PCDHA6: variants seen among roughly 807,000 people sequenced by gnomAD.
PCDHA6 encodes the protein protocadherin alpha-6.
Under a neutral mutation model 60.3 loss-of-function variants are expected in PCDHA6, and 55 were observed. The observed-to-expected ratio is 0.91, with a 90% CI of 0.73 to 1.14. The LOEUF is 1.14. PCDHA6 is among the 50% of genes most tolerant of loss of function. The probability of loss-of-function intolerance (pLI) is 0.00; values close to 1 mark genes in which losing one functional copy is unlikely to be tolerated. For missense variants in PCDHA6, 1,327 were observed against 1,256.5 expected (o/e 1.06, Z -0.85); for synonymous variants, 652 against 557.9 (o/e 1.17, Z -2.38).
chr5:140,926,799 T>A, intron 1 of PCDHA6: 2 of 1,456,322 alleles, frequency 1.4e-6, no homozygotes, highest in Non-Finnish European at 1.8e-6. Flanking sequence ...GAGCGTGCTC[T>A]TCCCCGCGGC....
intron 1 of PCDHA6, among the ~76,000 whole-genome samples, chr5:140,888,097 G>T (rs536916138): frequency 3.3e-4 from 50 of 152,066 alleles, no homozygotes; most frequent in African/African-American, 1.2e-3. Context: ...TCCTTAGTTT[G>T]CTTCTTTTAA....
intron 1 of PCDHA6, chr5:140,848,942 C>A (rs1417497577): frequency 6.2e-7 from 1 of 1,607,226 alleles, no homozygotes; most frequent in African/African-American, 1.4e-5. Flanking sequence ...GGCCGCTTGA[C>A]TCTCGGTTTC....
chr5:140,870,305 A>G lies in PCDHA6; in HGVS notation c.2394+39820A>G, dbSNP rs201733980. 1.4e-4 allele frequency: 226 copies of G among 1,614,156 alleles called. No homozygotes were observed. In the African/African-American group the frequency reaches 2.3e-3, roughly 17 times the overall value. On this transcript the variant is annotated intron_variant, in intron 1 of 3. Transcript: ENST00000529310. ...CCCTTCAAGCTGGTGTCCACCTTCA[A>G]GAATTACTACTCGTTGGTGCTGGAC...
intron 1 of PCDHA6, among the ~76,000 whole-genome samples, chr5:140,954,317 G>A (rs571385484): frequency 2.6e-5 from 4 of 152,292 alleles, no homozygotes; most frequent in East Asian, 3.9e-4. Context: ...GGATTGCTGC[G>A]TCAAATGGTA....
intron 1 of PCDHA6, among the ~76,000 whole-genome samples, chr5:140,938,931 A>T (rs1371527205): frequency 6.6e-6 from 1 of 152,044 alleles, no homozygotes; most frequent in African/African-American, 2.4e-5. Context: ...TTGGCTTTTA[A>T]CTTTCCATTC....
At chr5:140,858,079 C>T in intron 1 of PCDHA6, 5 of 1,597,852 alleles carry the variant, frequency 3.1e-6, no homozygotes, top group Non-Finnish European at 4.3e-6. Context: ...CACCCAAGGC[C>T]TCGTCGCGGG....
intron 1 of PCDHA6, chr5:140,926,951 G>T (rs1554203848): frequency 1.9e-6 from 3 of 1,596,266 alleles, no homozygotes; most frequent in Middle Eastern, 1.7e-4. Context: ...GCTGCAGCGG[G>T]ACAGCTCGAG....
At chr5:140,968,017 C>A in intron 1 of PCDHA6, 1 of 1,614,216 alleles carries the variant, frequency 6.2e-7, no homozygotes, top group South Asian at 1.1e-5. Flanking sequence ...GCTTTGGAAA[C>A]TCCTATACAC....
chr5:140,927,630 A>G (rs1408351955), intron 1 of PCDHA6: 3 of 1,614,064 alleles, frequency 1.9e-6, no homozygotes, highest in Non-Finnish European at 2.5e-6. Flanking sequence ...CAGAGACTGC[A>G]CCCAATGGGA....
At chr5:140,877,708 G>A in intron 1 of PCDHA6, 12 of 1,614,072 alleles carry the variant, frequency 7.4e-6, no homozygotes, top group Non-Finnish European at 1.0e-5. Flanking sequence ...CAGCGCCGTG[G>A]GGAGTTGGTC....
Position 140,841,491 on chromosome 5 carries a change from C to A in PCDHA6, c.2394+11006C>A, listed in dbSNP as rs2150316592. The stretch of plus-strand genomic sequence containing the variant: ...GCGCAGGACCTGGGGCTGGAGCTGG[C>A]GGAGCTGGTGCCGCGCCTGTTCCGG... On this transcript the variant is annotated intron_variant, in intron 1 of 3. Coordinates refer to ENST00000529310, the MANE Select transcript of PCDHA6 (RefSeq NM_018909.4). 2.8e-5 allele frequency: 45 copies of A among 1,612,948 alleles called. No individual in the cohort carries two copies. Among genetic ancestry groups the A allele is most frequent in the African/African-American group, 1.5e-4 (11 of 74,822 alleles).
chr5:140,828,538 TTC>T lies in PCDHA6; in HGVS notation c.449_450del (p.Ser150CysfsTer21). The T allele has an allele frequency of 6.2e-7, 1 of 1,614,218 alleles. No individual in the cohort carries two copies. Among genetic ancestry groups the T allele is most frequent in the East Asian group, 2.2e-5 (1 of 44,894 alleles). On this transcript the variant is annotated frameshift_variant, in exon 1 of 4. Transcript: ENST00000529310. LOFTEE classifies it high-confidence loss of function. ...VLIYESRLPD[S>X]VFPLEGASDA... ...TGATTTACGAATCTAGGCTGCCAGA[TTC>T]TGTGTTTCCACTGGAGGGCGCGTCC... is the stretch of plus-strand genomic sequence containing the variant.
chr5:141,008,362 G>A (rs2098372939), intron 3 of PCDHA6, among the ~76,000 whole-genome samples: 1 of 152,172 alleles, frequency 6.6e-6, no homozygotes, highest in Non-Finnish European at 1.5e-5. Flanking sequence ...AACCAAAGGA[G>A]CAGTGTTAGA....
chr5:140,966,216 C>T (rs1189015388), intron 1 of PCDHA6: 1 of 247,072 alleles, frequency 4.0e-6, no homozygotes, highest in African/African-American at 2.2e-5. Flanking sequence ...TTTTCCCAGA[C>T]TAATCTCCTT....
intron 1 of PCDHA6, among the ~76,000 whole-genome samples, chr5:140,886,628 C>T (rs1305924545): frequency 6.6e-6 from 1 of 151,764 alleles, no homozygotes; most frequent in African/African-American, 2.4e-5. Context: ...GAGTCCGAGA[C>T]CAGCCTGGCC....
At chr5:140,928,096 C>T (rs145229632) in intron 1 of PCDHA6, 1 of 1,614,170 alleles carries the variant, frequency 6.2e-7, no homozygotes, top group Non-Finnish European at 8.5e-7. Context: ...GATTGATGGG[C>T]CCCTGGACCG....
intron 3 of PCDHA6, among the ~76,000 whole-genome samples, chr5:140,983,358 T>C (rs1374842008): frequency 6.6e-6 from 1 of 152,224 alleles, no homozygotes; most frequent in Non-Finnish European, 1.5e-5. Context: ...GTAATAGAAA[T>C]ATGGCTTTGG....
At chr5:140,897,252 A>G (rs1179343621) in intron 1 of PCDHA6, among the ~76,000 whole-genome samples, 3 of 152,018 alleles carry the variant, frequency 2.0e-5, no homozygotes, top group East Asian at 3.9e-4. Flanking sequence ...TTACATATGT[A>G]TACATGTGCC....
At chr5:140,956,297 G>A (rs1449094533) in intron 1 of PCDHA6, among the ~76,000 whole-genome samples, 1 of 151,928 alleles carries the variant, frequency 6.6e-6, no homozygotes, top group African/African-American at 2.4e-5. Context: ...TCATATATAT[G>A]GCTCTTATTA....
Sources: allele counts gnomAD v4.1 joint callset (sites outside exome capture counted in the v4.1 genomes callset), GRCh38; gene constraint gnomAD v4.1.1; transcripts MANE v1.5; gene names NCBI Gene and HGNC (gene_info 2026-07-23, HGNC 2026-07-21).